DMD: variants seen among roughly 807,000 people sequenced by gnomAD.
DMD encodes mutant dystrophin.
In DMD, 63 loss-of-function variants were observed where a neutral mutation model predicts 330.1. The observed-to-expected ratio is 0.19, with a 90% CI of 0.16 to 0.24. The LOEUF (loss-of-function observed/expected upper bound fraction) is 0.24, where lower values mean the gene tolerates loss of function less well. Ranked by LOEUF, DMD falls within the 10% of genes least tolerant of loss-of-function variation. DMD has a pLI of 1.00. For synonymous variants in DMD, 1,223 were observed against 959.8 expected (o/e 1.27, Z -5.07); for missense variants, 3,344 against 2,684.1 (o/e 1.25, Z -5.43).
chrX:31,425,712 G>GCGCA (rs1288075431), intron 60 of DMD, among the ~76,000 whole-genome samples: 1 of 98,769 alleles, frequency 1.0e-5, no homozygotes, highest in African/African-American at 4.9e-5. Context: ...ACACACACAC[G>GCGCA]CACACAATAC....
chrX:32,864,159 A>T (rs985212116), intron 2 of DMD, among the ~76,000 whole-genome samples: 11 of 110,652 alleles, frequency 9.9e-5, no homozygotes, highest in African/African-American at 3.4e-4. Flanking sequence ...TATCAGAAAG[A>T]TGCGAGTTAC....
chrX:31,819,475 T>A (rs199883404), intron 50 of DMD, among the ~76,000 whole-genome samples: 14,520 of 111,864 alleles, frequency 0.13, 684 homozygotes, highest in Admixed American at 0.19. Flanking sequence ...GCTAGGAATA[T>A]TGGTTGTTAA....
At chrX:32,173,808 T>C (rs1176679567) in intron 44 of DMD, among the ~76,000 whole-genome samples, 1 of 112,190 alleles carries the variant, frequency 8.9e-6, no homozygotes, top group Admixed American at 9.5e-5. Flanking sequence ...GACATCTCAT[T>C]TTCCTGTTAC....
intron 44 of DMD, among the ~76,000 whole-genome samples, chrX:32,200,587 AAC>A (rs1256185820): frequency 4.5e-5 from 5 of 110,491 alleles, no homozygotes; most frequent in East Asian, 5.6e-4. Context: ...CATATGTGAA[AAC>A]ACACATATGT....
intron 52 of DMD, among the ~76,000 whole-genome samples, chrX:31,704,810 C>T (rs2084056840): frequency 9.0e-6 from 1 of 111,707 alleles, no homozygotes; most frequent in Non-Finnish European, 1.9e-5. Context: ...TTTATGTATG[C>T]ATTCATCACA....
intron 67 of DMD, among the ~76,000 whole-genome samples, chrX:31,187,943 A>G (rs1024132579): frequency 8.9e-6 from 1 of 112,265 alleles, no homozygotes; most frequent in African/African-American, 3.2e-5. Flanking sequence ...TTTAGGCTGT[A>G]GCTCATATGG....
chrX:31,294,265 T>G (rs2053996245), intron 62 of DMD, among the ~76,000 whole-genome samples: 1 of 111,868 alleles, frequency 8.9e-6, no homozygotes, highest in African/African-American at 3.3e-5. Flanking sequence ...TTTCCAAGTC[T>G]GTGGGAATAA....
At chrX:32,541,333 C>T (rs1160799061) in intron 17 of DMD, among the ~76,000 whole-genome samples, 1 of 111,596 alleles carries the variant, frequency 9.0e-6, no homozygotes, top group East Asian at 2.8e-4. Flanking sequence ...TCCTCCTACC[C>T]ACCACAATCT....
intron 59 of DMD, among the ~76,000 whole-genome samples, chrX:31,456,836 ATGTGTGTGTGTG>A (rs5901988): frequency 9.6e-5 from 8 of 83,255 alleles, no homozygotes; most frequent in Middle Eastern, 6.5e-3. Context: ...GCCCACATAT[ATGTGTGTGTGTG>A]TGTGTGTGTG....
chrX:32,893,472 C>A (rs1437569248), intron 2 of DMD, among the ~76,000 whole-genome samples: 1 of 107,756 alleles, frequency 9.3e-6, no homozygotes, highest in Non-Finnish European at 1.9e-5. Context: ...ATGTGAATTA[C>A]CTTGCACAGT....
At chrX:32,360,905 T>G (rs887931919) in intron 37 of DMD, among the ~76,000 whole-genome samples, 2 of 110,851 alleles carry the variant, frequency 1.8e-5, no homozygotes, top group East Asian at 5.6e-4. Flanking sequence ...TGGATCACTT[T>G]ATGCATGATT....
intron 43 of DMD, among the ~76,000 whole-genome samples, chrX:32,225,499 T>G (rs2097144666): frequency 1.8e-5 from 2 of 111,530 alleles, no homozygotes; most frequent in South Asian, 7.5e-4. Flanking sequence ...TGTCAACAAT[T>G]CCTTATTTTC....
At chrX:31,718,199 T>G (rs758697012) in intron 52 of DMD, among the ~76,000 whole-genome samples, 3 of 112,074 alleles carry the variant, frequency 2.7e-5, no homozygotes, top group Non-Finnish European at 5.6e-5. Context: ...GAAAACCTAT[T>G]TTTTTCAAGG....
At chrX:31,801,194 C>T (rs768196361) in intron 50 of DMD, among the ~76,000 whole-genome samples, 5 of 111,553 alleles carry the variant, frequency 4.5e-5, no homozygotes, top group East Asian at 5.7e-4. Context: ...CAGAGGCCTC[C>T]GGAAACTTAC....
At chrX:32,479,420 C>T (rs755011108) in intron 21 of DMD, among the ~76,000 whole-genome samples, 1 of 110,958 alleles carries the variant, frequency 9.0e-6, no homozygotes, top group East Asian at 2.8e-4. Flanking sequence ...TGATCAACAC[C>T]TTCCCTTTCC....
At chrX:32,579,671 T>G (rs2053442932) in intron 13 of DMD, among the ~76,000 whole-genome samples, 1 of 112,985 alleles carries the variant, frequency 8.9e-6, no homozygotes, top group Admixed American at 9.3e-5. Context: ...AAGCTTAATG[T>G]TATAATTTGA....
intron 2 of DMD, among the ~76,000 whole-genome samples, chrX:32,902,512 T>C (rs2086356503): frequency 1.8e-5 from 2 of 110,811 alleles, no homozygotes; most frequent in South Asian, 7.5e-4. Flanking sequence ...TGTGGACAGA[T>C]ATATTAATCC....
chrX:31,597,224 A>T (rs1476182953), intron 55 of DMD, among the ~76,000 whole-genome samples: 1 of 112,203 alleles, frequency 8.9e-6, no homozygotes, highest in Non-Finnish European at 1.9e-5. Flanking sequence ...TATAAATTTT[A>T]AAAATACGGT....
At chrX:32,412,351 C>A (rs1200108909) in intron 29 of DMD, 3 of 486,250 alleles carry the variant, frequency 6.2e-6, no homozygotes, top group Non-Finnish European at 9.3e-6. Flanking sequence ...GATACATGTA[C>A]AATCTGTTCA....
Sources: allele counts gnomAD v4.1 joint callset (sites outside exome capture counted in the v4.1 genomes callset), GRCh38; gene constraint gnomAD v4.1.1; transcripts MANE v1.5; gene names NCBI Gene and HGNC (gene_info 2026-07-23, HGNC 2026-07-21).